The following CAPN15 variants were observed in gnomAD, a reference collection of about 807,000 sequenced individuals.
CAPN15 encodes calpain-15.
A neutral mutation model predicts 97.9 loss-of-function variants in CAPN15; 53 were observed. The observed-to-expected ratio is 0.54, with a 90% confidence interval of 0.43 to 0.68. The LOEUF is 0.68. Among genes scored for constraint, CAPN15 ranks in the 30% least tolerant of loss-of-function variants. The pLI, the probability that CAPN15 is intolerant of heterozygous loss-of-function variation, is 0.00. For missense variants in CAPN15, 1,592 were observed against 1,589.8 expected (o/e 1.00, Z -0.02); for synonymous variants, 922 against 722.5 (o/e 1.28, Z -4.43).
chr16:544,672 G>A (rs2034406565), intron 3 of CAPN15, among the ~76,000 whole-genome samples: 1 of 149,350 alleles, frequency 6.7e-6, no homozygotes, highest in East Asian at 2.0e-4. Context: ...TGGCCTCTGT[G>A]CAGTAAGGAG....
At chr16:545,946 G>A (rs909328596) in intron 3 of CAPN15, among the ~76,000 whole-genome samples, 1 of 152,266 alleles carries the variant, frequency 6.6e-6, no homozygotes, top group African/African-American at 2.4e-5. Context: ...CCTTCTCCGA[G>A]TGGTGATGGC....
intron 3 of CAPN15, chr16:537,403 C>T (rs1300256258): frequency 7.1e-6 from 7 of 985,576 alleles, no homozygotes; most frequent in Non-Finnish European, 7.2e-6. Flanking sequence ...GCCTGTGTTT[C>T]TAGCGGCACG....
intron 1 of CAPN15, among the ~76,000 whole-genome samples, chr16:532,840 G>C (rs921244359): frequency 2.7e-5 from 4 of 149,690 alleles, no homozygotes; most frequent in Non-Finnish European, 5.9e-5. Flanking sequence ...GCAACAGAGC[G>C]AGACTCTGTC....
Position 552,515 on chromosome 16 carries a change from AC to A in CAPN15, c.2726del (p.Pro909LeufsTer65). On this transcript the variant is annotated frameshift_variant, in exon 11 of 14. Coordinates refer to ENST00000219611, the MANE Select transcript of CAPN15 (RefSeq NM_005632.3). LOFTEE classifies it high-confidence loss of function. This position sits in a 1 kb window ranked among gnomAD's most constrained non-coding sequence, Gnocchi z 6.4. ...FNHWGPPLPG[T>X]PAPQASSPSA... ...CCACTGGGGGCCGCCCCTGCCGGGC[AC>A]CCCTGCCCCCCAGGGTACGTGGCCC... The A allele has an allele frequency of 6.2e-7, 1 of 1,602,526 alleles. No individual in the cohort carries two copies.
At chr16:533,231 A>G (rs1195448736) in intron 1 of CAPN15, among the ~76,000 whole-genome samples, 1 of 152,214 alleles carries the variant, frequency 6.6e-6, no homozygotes, top group Non-Finnish European at 1.5e-5. Flanking sequence ...AAAAAATAAA[A>G]TAAAAAATTT....
Position 535,673 on chromosome 16 carries a change from G to A in CAPN15, c.-136-356G>A, listed in dbSNP as rs548800571. Among the ~76,000 whole-genome samples, 20 of 152,252 alleles carry A rather than the reference G, an allele frequency of 1.3e-4. No individual in the cohort carries two copies. Among genetic ancestry groups the A allele is most frequent in the South Asian group, 2.1e-4 (1 of 4,820 alleles). On this transcript the variant is annotated intron_variant, in intron 2 of 13. Coordinates refer to ENST00000219611, the MANE Select transcript of CAPN15 (RefSeq NM_005632.3). This position sits in a 1 kb window ranked among gnomAD's most constrained non-coding sequence, Gnocchi z 6.2. Reference sequence around the variant, plus strand: ...CTGCCCCTCCAGGGAGCCCAGAGGCGGGCGTGGCTGCAGCCTGGCTCTGTG... The same window carrying A: ...CTGCCCCTCCAGGGAGCCCAGAGGCAGGCGTGGCTGCAGCCTGGCTCTGTG...
intron 2 of CAPN15, among the ~76,000 whole-genome samples, chr16:534,329 G>A (rs2033541728): frequency 8.1e-6 from 1 of 123,784 alleles, no homozygotes; most frequent in African/African-American, 3.3e-5. Context: ...TGGGGCTGGT[G>A]AGGAGCCTGT....
chr16:541,410 C>T (rs1456678290), intron 3 of CAPN15, among the ~76,000 whole-genome samples: 3 of 151,974 alleles, frequency 2.0e-5, no homozygotes, highest in South Asian at 2.1e-4. Context: ...GCCCTGTCTG[C>T]GAGTTACCCT....
chr16:536,976 C>G (rs2033779952), intron 3 of CAPN15: 1 of 260,024 alleles, frequency 3.8e-6, no homozygotes, highest in Admixed American at 6.5e-5. Flanking sequence ...GCCCCCGGCA[C>G]CCCTCACGGG....
intron 1 of CAPN15, among the ~76,000 whole-genome samples, chr16:530,499 G>A (rs527999768): frequency 2.0e-4 from 31 of 152,354 alleles, no homozygotes; most frequent in Non-Finnish European, 3.5e-4. Flanking sequence ...GAGTCTGAGA[G>A]AACAGGCTTG....
At position 552,104 on chromosome 16, in the gene CAPN15, G is replaced by A. The variant is rs1303158417; in HGVS notation, c.2399G>A (p.Arg800Gln). ...GTGCACTCGGACTGGCAGGAGGCGCGGGTGCAGGGCTGCTTTCCCAGCTCG... is the reference window on the plus strand; with the variant it reads ...GTGCACTCGGACTGGCAGGAGGCGCAGGTGCAGGGCTGCTTTCCCAGCTCG... ...CKVHSDWQEA[R>Q]VQGCFPSSAS... Residue 800 changes from arginine to glutamine, a missense_variant, in exon 10 of 14, where the codon CGG (arginine) becomes CAG (glutamine). Around this residue, in one of 3 missense-constraint regions of CAPN15, gnomAD observed 644 missense variants for 699.6 expected, o/e 0.92. Coordinates refer to ENST00000219611, the MANE Select transcript of CAPN15 (RefSeq NM_005632.3). This position sits in a 1 kb window ranked among gnomAD's most constrained non-coding sequence, Gnocchi z 6.4. 1.9e-6 allele frequency: 3 copies of A among 1,548,984 alleles called. No homozygotes were observed. Among genetic ancestry groups the A allele is most frequent in the African/African-American group, 1.4e-5 (1 of 72,990 alleles).
chr16:538,320 C>T (rs1042892930), intron 3 of CAPN15: 1 of 151,900 alleles, frequency 6.6e-6, no homozygotes, highest in South Asian at 2.1e-4. Context: ...TTTTTCCAAC[C>T]ATTTAAAAAT....
chr16:544,814 CCCCCACGTCGCCT>C (rs1225285531), intron 3 of CAPN15, among the ~76,000 whole-genome samples: 2 of 37,382 alleles, frequency 5.4e-5, no homozygotes, highest in Admixed American at 3.2e-4. Context: ...CACGTCGCCT[CCCCCACGTCGCCT>C]CCCCCACGTC....
chr16:548,565 G>A (rs939831964), intron 4 of CAPN15, among the ~76,000 whole-genome samples: 6 of 152,268 alleles, frequency 3.9e-5, no homozygotes, highest in African/African-American at 1.4e-4. Flanking sequence ...CCCGTCTGAT[G>A]TGCCGCAGGA....
At chr16:550,827 G>GGTCGGTGAGGGC (rs2142063615) in intron 7 of CAPN15, among the ~76,000 whole-genome samples, 1 of 18,796 alleles carries the variant, frequency 5.3e-5, no homozygotes, top group Non-Finnish European at 9.1e-5. Flanking sequence ...CGGTGAGGGT[G>GGTCGGTGAGGGC]CCCCGTCGGT....
intron 1 of CAPN15, among the ~76,000 whole-genome samples, chr16:530,034 C>T (rs931055028): frequency 7.9e-5 from 12 of 152,236 alleles, no homozygotes; most frequent in African/African-American, 2.9e-4. Flanking sequence ...TGTTCTCTGC[C>T]TAAAGCCCTT....
intron 3 of CAPN15, chr16:537,254 G>A: frequency 1.0e-6 from 1 of 985,570 alleles, no homozygotes; most frequent in Non-Finnish European, 1.2e-6. Context: ...ACTGGCTCCA[G>A]CTCAAGAAAG....
Position 552,364 on chromosome 16 carries a change from CG to C in CAPN15, c.2573del (p.Gly858AlafsTer116). 6.3e-7 allele frequency: 1 copy of C among 1,599,026 alleles called. No individual in the cohort carries two copies. Reference protein sequence around the residue: ...LCILVFRATFGSGGHLSLGRL... With the variant: ...LCILVFRATFXSGGHLSLGRL... ...GCATCCTGGTGTTCCGGGCCACGTT[CG>C]GCAGCGGCGGCCACCTCAGCCTGGG... is the stretch of plus-strand genomic sequence containing the variant. On this transcript the variant is annotated frameshift_variant, in exon 11 of 14. Coordinates refer to ENST00000219611, the MANE Select transcript of CAPN15 (RefSeq NM_005632.3). LOFTEE classifies it high-confidence loss of function. The surrounding 1 kb of genome is among the most constrained non-coding windows in gnomAD (Gnocchi z 6.4).
At chr16:532,839 C>T (rs976857857) in intron 1 of CAPN15, among the ~76,000 whole-genome samples, 11 of 147,596 alleles carry the variant, frequency 7.5e-5, no homozygotes, top group East Asian at 2.0e-4. Context: ...GGCAACAGAG[C>T]GAGACTCTGT....
Sources: gnomAD v4.1 joint callset for allele counts (sites outside exome capture counted in the v4.1 genomes callset) on GRCh38, gnomAD v4.1.1 for gene constraint, gnomAD v4.1.1 regional missense constraint, Gnocchi (gnomAD v3.1) non-coding constraint, MANE v1.5 for transcripts, NCBI Gene and HGNC (gene_info 2026-07-23, HGNC 2026-07-21) for gene names.